Variants in GLIS1 observed in about 807,000 individuals in gnomAD.
GLIS1 encodes GLIS family zinc finger 1.
A neutral mutation model predicts 63.8 loss-of-function variants in GLIS1; 24 were observed. The ratio of observed to expected loss-of-function variants is 0.38; its 90% CI spans 0.27 to 0.53. GLIS1 has a LOEUF of 0.53. Ranked by LOEUF, GLIS1 falls within the 20% of genes least tolerant of loss-of-function variation. The probability of loss-of-function intolerance (pLI) is 0.85; values close to 1 mark genes in which losing one functional copy is unlikely to be tolerated. For missense variants in GLIS1, 1,036 were observed against 1,074.1 expected, an observed-to-expected ratio of 0.96 and a Z score of 0.50; for synonymous variants, 450 against 482.5, an observed-to-expected ratio of 0.93 and a Z score of 0.88.
intron 2 of GLIS1, among the ~76,000 whole-genome samples, chr1:53,668,205 T>C (rs1169362540): frequency 6.6e-6 from 1 of 152,246 alleles, no homozygotes; most frequent in Non-Finnish European, 1.5e-5. Context: ...TCCTGTGCAT[T>C]ATATGATGCT....
At chr1:53,561,817 C>T (rs952418117) in intron 4 of GLIS1, among the ~76,000 whole-genome samples, 11 of 152,296 alleles carry the variant, frequency 7.2e-5, no homozygotes, top group African/African-American at 2.6e-4. Context: ...TGCCGGCAAA[C>T]AGGGCAGGTC....
chr1:53,612,406 A>T (rs1198483195), intron 2 of GLIS1, among the ~76,000 whole-genome samples: 2 of 151,736 alleles, frequency 1.3e-5, no homozygotes, highest in African/African-American at 4.8e-5. Flanking sequence ...CATCCAGCTA[A>T]TTTTTTTGTA....
At chr1:53,607,424 C>T (rs1156336703) in intron 2 of GLIS1, among the ~76,000 whole-genome samples, 1 of 152,210 alleles carries the variant, frequency 6.6e-6, no homozygotes, top group Non-Finnish European at 1.5e-5. Context: ...TGCTTGCCAT[C>T]ACACCCGGCT....
intron 4 of GLIS1, among the ~76,000 whole-genome samples, chr1:53,534,216 CA>C (rs1644560136): frequency 6.6e-6 from 1 of 151,956 alleles, no homozygotes; most frequent in African/African-American, 2.4e-5. Flanking sequence ...ACCAGAAATG[CA>C]GCCATCTAGC....
chr1:53,736,796 G>A (rs765555691), intron 2 of GLIS1, among the ~76,000 whole-genome samples: 1 of 152,140 alleles, frequency 6.6e-6, no homozygotes, highest in Non-Finnish European at 1.5e-5. Context: ...TGATCCACAA[G>A]GAGCTCTCAA....
intron 5 of GLIS1, 137 bp from the exon 6 acceptor site, chr1:53,525,024 G>A: frequency 3.0e-6 from 2 of 659,192 alleles, no homozygotes; most frequent in Non-Finnish European, 5.2e-6. Context: ...AGCCAGCCCG[G>A]CCCAGCTGTG....
At chr1:53,588,505 G>A (rs1645158274) in intron 4 of GLIS1, among the ~76,000 whole-genome samples, 1 of 152,178 alleles carries the variant, frequency 6.6e-6, no homozygotes, top group African/African-American at 2.4e-5. Flanking sequence ...CTCTGGGTCT[G>A]TCTTCCCTGT....
Position 53,524,855 on chromosome 1 carries a change from G to A in GLIS1, c.1515C>T (p.Ser505=), listed in dbSNP as rs1324876170. ...GGGAGCTGGGGTCTGTGTAGCGCTTGGAGCAGCCAGGGATCTGACAGGCGT... is the reference window on the plus strand; with the variant it reads ...GGGAGCTGGGGTCTGTGTAGCGCTTAGAGCAGCCAGGGATCTGACAGGCGT... ...KPYACQIPGC[S]KRYTDPSSLR... The change falls in exon 6 of 11, where the codon TCC becomes TCT. Residue 505 remains serine, a synonymous_variant. Transcript: ENST00000628545. 3.7e-6 allele frequency: 6 copies of A among 1,613,482 alleles called. No individual in the cohort carries two copies. The East Asian group carries it at 1.1e-4, about 30-fold the overall frequency.
intron 4 of GLIS1, among the ~76,000 whole-genome samples, chr1:53,561,397 A>C (rs139200707): frequency 6.6e-6 from 1 of 152,220 alleles, no homozygotes; most frequent in Non-Finnish European, 1.5e-5. Context: ...TGTGACTGCT[A>C]ATTGGATCCT....
chr1:53,545,442 T>A (rs1032155868), intron 4 of GLIS1, among the ~76,000 whole-genome samples: 1 of 152,234 alleles, frequency 6.6e-6, no homozygotes, highest in African/African-American at 2.4e-5. Flanking sequence ...ATTCATTTCC[T>A]CACTCGCTTA....
chr1:53,589,344 A>G (rs924860759), intron 4 of GLIS1, among the ~76,000 whole-genome samples: 1 of 152,286 alleles, frequency 6.6e-6, no homozygotes, highest in South Asian at 2.1e-4. Flanking sequence ...CTCAGTAAGG[A>G]GCAACTCCCT....
intron 2 of GLIS1, among the ~76,000 whole-genome samples, chr1:53,717,218 C>G (rs189898540): frequency 6.6e-6 from 1 of 152,282 alleles, no homozygotes; most frequent in East Asian, 1.9e-4. Flanking sequence ...GTTTCATCAT[C>G]AATAAAATGG....
At chr1:53,583,247 G>T (rs1645103662) in intron 4 of GLIS1, among the ~76,000 whole-genome samples, 1 of 152,194 alleles carries the variant, frequency 6.6e-6, no homozygotes, top group Non-Finnish European at 1.5e-5. Flanking sequence ...ACCGCCCTGT[G>T]CCTTCCCTGA....
chr1:53,733,691 T>C (rs1646886301), intron 2 of GLIS1, among the ~76,000 whole-genome samples: 2 of 152,220 alleles, frequency 1.3e-5, no homozygotes, highest in Non-Finnish European at 2.9e-5. Flanking sequence ...CCTATCTCAT[T>C]TTTTACCCAC....
chr1:53,585,363 T>C (rs1034867816), intron 4 of GLIS1, among the ~76,000 whole-genome samples: 1 of 152,062 alleles, frequency 6.6e-6, no homozygotes, highest in African/African-American at 2.4e-5. Flanking sequence ...GGCTCAGAGA[T>C]GCCACGTGAC....
At chr1:53,663,309 G>A (rs1646049391) in intron 2 of GLIS1, among the ~76,000 whole-genome samples, 1 of 152,226 alleles carries the variant, frequency 6.6e-6, no homozygotes, top group South Asian at 2.1e-4. Flanking sequence ...AGGCATCAGT[G>A]AGTTCTGATT....
At chr1:53,674,183 A>G (rs1038675528) in intron 2 of GLIS1, among the ~76,000 whole-genome samples, 1 of 151,848 alleles carries the variant, frequency 6.6e-6, no homozygotes, top group Non-Finnish European at 1.5e-5. Flanking sequence ...AAAAAAAAAA[A>G]AAAAAAGAAA....
chr1:53,521,320 G>A (rs1355343544), intron 6 of GLIS1, among the ~76,000 whole-genome samples: 1 of 152,108 alleles, frequency 6.6e-6, no homozygotes, highest in Non-Finnish European at 1.5e-5. Context: ...AAGCGCAATA[G>A]GTGTGCCGTC....
intron 2 of GLIS1, among the ~76,000 whole-genome samples, chr1:53,705,423 A>T (rs1646568441): frequency 6.6e-6 from 1 of 152,230 alleles, no homozygotes; most frequent in Non-Finnish European, 1.5e-5. Flanking sequence ...TCTTAGAGAA[A>T]GTCAATGTTG....
Sources: allele counts gnomAD v4.1 joint callset (sites outside exome capture counted in the v4.1 genomes callset), GRCh38; gene constraint gnomAD v4.1.1; transcripts MANE v1.5; gene names NCBI Gene and HGNC (gene_info 2026-07-23, HGNC 2026-07-21).